Variants in DCHS2 observed in about 807,000 individuals in gnomAD.
The protein encoded by DCHS2 is protocadherin-23.
In DCHS2, 142 loss-of-function variants were observed where a neutral mutation model predicts 182.4. That is an observed-to-expected ratio of 0.78 (90% CI 0.68 to 0.89). The LOEUF (loss-of-function observed/expected upper bound fraction) is 0.89, where lower values mean the gene tolerates loss of function less well. Ranked by LOEUF, DCHS2 falls within the 40% of genes least tolerant of loss-of-function variation. The pLI, the probability that DCHS2 is intolerant of heterozygous loss-of-function variation, is 0.00. For missense variants in DCHS2, 4,319 were observed against 4,198.6 expected (o/e 1.03, Z -0.79); for synonymous variants, 1,740 against 1,663.3 (o/e 1.05, Z -1.12).
chr4:154,380,212 A>G (rs1048829601), intron 1 of DCHS2, among the ~76,000 whole-genome samples: 5 of 152,118 alleles, frequency 3.3e-5, no homozygotes, highest in Non-Finnish European at 7.4e-5. Flanking sequence ...CAGCCTTTAA[A>G]TTTATCTTTT....
intron 16 of DCHS2, among the ~76,000 whole-genome samples, chr4:154,247,268 A>G (rs10002397): frequency 2.4e-3 from 372 of 152,264 alleles, no homozygotes; most frequent in African/African-American, 8.8e-3. Context: ...TAATAAGGTC[A>G]GGAGTTCGAG....
intron 1 of DCHS2, among the ~76,000 whole-genome samples, chr4:154,473,375 A>G (rs1735553075): frequency 6.6e-6 from 1 of 152,202 alleles, no homozygotes; most frequent in Admixed American, 6.5e-5. Context: ...TCTTGTGCCG[A>G]GTGACCAGCT....
intron 7 of DCHS2, chr4:154,323,294 C>T (rs1350658476): frequency 1.3e-6 from 2 of 1,546,390 alleles, no homozygotes; most frequent in Non-Finnish European, 1.7e-6. Context: ...GACTGCTTCC[C>T]AAATGCTGTT....
intron 3 of DCHS2, among the ~76,000 whole-genome samples, chr4:154,335,811 G>T (rs569685028): frequency 1.3e-5 from 2 of 152,270 alleles, no homozygotes; most frequent in South Asian, 4.1e-4. Context: ...TTTTCCTAGA[G>T]TTAAAACATT....
In DCHS2 at chr4:154,490,438, G is replaced by A. The variant is rs1403063544; in HGVS notation, c.918C>T (p.Arg306=). The A allele has an allele frequency of 6.5e-7, 1 of 1,534,468 alleles. No homozygotes were observed. The highest frequency in any genetic ancestry group is 2.0e-5 in the Admixed American group (1 of 50,832). ...CCTCGGCGCCCGGCTGGGCGTCCTC[G>A]CGCACCGCGGCGCGGTACTCGTCCT... ...FEQDEYRAAV[R]EDAQPGAEVC... Residue 306 remains arginine, a synonymous_variant, in exon 1 of 20, where the codon CGC becomes CGT. Transcript: ENST00000357232.
In DCHS2 at chr4:154,236,435, A is replaced by G. The variant is rs779829506; in HGVS notation, c.8217T>C (p.Thr2739=). The G allele has an allele frequency of 5.0e-6, 8 of 1,613,966 alleles. No individual in the cohort carries two copies. The highest frequency in any genetic ancestry group is 5.9e-6 in the Non-Finnish European group (7 of 1,179,980). ...TCTTTTCTGCATCTGAAGCTTGGAC[A>G]GTTAAGGTGAATTTTGTCATTTTTT... ...DYEKMTKFTL[T]VQASDAEKKH... Residue 2739 remains threonine, a synonymous_variant, in exon 20 of 20, where the codon ACT becomes ACC. Transcript: ENST00000357232.
chr4:154,465,296 T>C (rs140814778), intron 1 of DCHS2, among the ~76,000 whole-genome samples: 2 of 152,256 alleles, frequency 1.3e-5, no homozygotes, highest in African/African-American at 2.4e-5. Flanking sequence ...GGGTTCACCA[T>C]AGGGCTGCTC....
chr4:154,275,923 T>A (rs1234994977), intron 13 of DCHS2, among the ~76,000 whole-genome samples: 1 of 151,998 alleles, frequency 6.6e-6, no homozygotes, highest in Non-Finnish European at 1.5e-5. Context: ...TAATATCAAA[T>A]GGAATTGTAG....
At chr4:154,387,357 T>C (rs1731466862) in intron 1 of DCHS2, among the ~76,000 whole-genome samples, 1 of 152,116 alleles carries the variant, frequency 6.6e-6, no homozygotes, top group Admixed American at 6.6e-5. Context: ...ATAAAAGAAT[T>C]GGCAGGCAGA....
intron 1 of DCHS2, among the ~76,000 whole-genome samples, chr4:154,447,737 T>C (rs1044106000): frequency 1.3e-5 from 2 of 152,168 alleles, no homozygotes; most frequent in African/African-American, 4.8e-5. Flanking sequence ...GTTAAAACTA[T>C]TATATGATGG....
chr4:154,304,616 G>C, intron 12 of DCHS2, 53 bp downstream of exon 12: 4 of 1,525,126 alleles, frequency 2.6e-6, no homozygotes, highest in Non-Finnish European at 3.6e-6. Flanking sequence ...GTGACAGAGT[G>C]AGACTCTGTC....
rs550996404 is a variant in DCHS2, at chr4:154,259,853, C to T, written c.6578-97G>A. On this transcript the variant is annotated intron_variant, in intron 14 of 19. Coordinates refer to ENST00000357232, the MANE Select transcript of DCHS2 (RefSeq NM_001358235.2). ...TTTATTTAGTTTTGAGACAGAGTCT[C>T]GCACTGTCGCCCAGGCTGGAGTGCA... 1.0e-4 allele frequency: 135 copies of T among 1,324,960 alleles called. No individual in the cohort carries two copies. In the East Asian group the frequency reaches 1.2e-3, roughly 12 times the overall value. The allele number at this position is 1,324,960 out of a possible 1,614,324, so 82.1% of individuals were successfully genotyped here.
intron 1 of DCHS2, among the ~76,000 whole-genome samples, chr4:154,440,320 T>C (rs896182571): frequency 3.3e-5 from 5 of 152,200 alleles, no homozygotes; most frequent in African/African-American, 1.2e-4. Context: ...GAAACTGTAC[T>C]TGCAATGCAC....
chr4:154,486,537 C>T lies in DCHS2; in HGVS notation c.2052+2767G>A, dbSNP rs772695751. On this transcript the variant is annotated intron_variant, in intron 1 of 19. Transcript: ENST00000357232. The stretch of plus-strand genomic sequence containing the variant: ...AGATATAAGCTGTAAAAGAGGAAAA[C>T]TTGTAGATGGCAACAGAAAGAAGGT... The T allele has an allele frequency of 9.7e-5, 127 of 1,303,212 alleles. 1 individual carries two copies. In the South Asian group the frequency reaches 1.5e-3, roughly 15 times the overall value. The allele number at this position is 1,303,212 out of a possible 1,614,324, so 80.7% of individuals were successfully genotyped here.
At chr4:154,428,172 A>G (rs79310461) in intron 1 of DCHS2, among the ~76,000 whole-genome samples, 2,663 of 152,292 alleles carry the variant, frequency 0.017, 66 homozygotes, top group African/African-American at 0.061. Context: ...GAGATATGAA[A>G]TCTAGTAGAT....
chr4:154,250,603 C>A (rs746463290), intron 16 of DCHS2, among the ~76,000 whole-genome samples: 4 of 152,184 alleles, frequency 2.6e-5, no homozygotes, highest in Non-Finnish European at 4.4e-5. Flanking sequence ...AAGAACCATT[C>A]TATCTCTTTT....
chr4:154,405,453 C>CATATAT (rs59533046), intron 1 of DCHS2, among the ~76,000 whole-genome samples: 7 of 146,580 alleles, frequency 4.8e-5, no homozygotes, highest in African/African-American at 7.5e-5. Flanking sequence ...CATATTTATT[C>CATATAT]ATATATATAT....
intron 8 of DCHS2, 102 bp from the exon 9 acceptor site, chr4:154,321,324 G>T: frequency 8.2e-7 from 1 of 1,215,668 alleles, no homozygotes; most frequent in Non-Finnish European, 1.1e-6. Flanking sequence ...TTCCATGTAT[G>T]TGATCATATG....
At position 154,489,639 on chromosome 4, in the gene DCHS2, G is replaced by C. The variant is rs1442831922; in HGVS notation, c.1717C>G (p.His573Asp). Reference protein sequence around the residue: ...ASDADEAGSDHAWLRYTVVQL... With the variant: ...ASDADEAGSDDAWLRYTVVQL... The stretch of plus-strand genomic sequence containing the variant: ...ACTACAGTGTAGCGCAGCCAGGCGT[G>C]ATCACTGCCTGCCTCGTCGGCATCG... Residue 573 changes from histidine (H) to aspartate (D), a missense_variant, in exon 1 of 20, where the codon CAC (histidine) becomes GAC (aspartate). Coordinates refer to ENST00000357232, the MANE Select transcript of DCHS2 (RefSeq NM_001358235.2). The C allele has an allele frequency of 6.4e-7, 1 of 1,551,642 alleles. No homozygotes were observed. Among genetic ancestry groups the C allele is most frequent in the Non-Finnish European group, 8.7e-7 (1 of 1,146,932 alleles).
Sources: gnomAD v4.1 joint callset for allele counts (sites outside exome capture counted in the v4.1 genomes callset) on GRCh38, gnomAD v4.1.1 for gene constraint, MANE v1.5 for transcripts, NCBI Gene and HGNC (gene_info 2026-07-23, HGNC 2026-07-21) for gene names.